Variants in SMAD2 observed in about 807,000 individuals in gnomAD.
The protein encoded by SMAD2 is SMAD family member 2.
Under a neutral mutation model 64.4 loss-of-function variants are expected in SMAD2, and 8 were observed. The observed-to-expected ratio is 0.12, with a 90% confidence interval of 0.07 to 0.22. SMAD2 has a LOEUF of 0.22. Among genes scored for constraint, SMAD2 ranks in the 10% least tolerant of loss-of-function variants. The probability of loss-of-function intolerance (pLI) is 1.00; values close to 1 mark genes in which losing one functional copy is unlikely to be tolerated. For missense variants in SMAD2, 289 were observed against 561.2 expected (o/e 0.51, Z 4.90); for synonymous variants, 203 against 195.8 (o/e 1.04, Z -0.31).
intron 1 of SMAD2, among the ~76,000 whole-genome samples, chr18:47,907,608 G>C (rs751940834): frequency 2.6e-5 from 4 of 152,162 alleles, no homozygotes; most frequent in Non-Finnish European, 4.4e-5. Flanking sequence ...TTGAATTCCT[G>C]AATGTTTTCT....
intron 6 of SMAD2, among the ~76,000 whole-genome samples, chr18:47,864,695 T>C (rs959150013): frequency 1.6e-4 from 25 of 152,148 alleles, no homozygotes; most frequent in South Asian, 6.2e-4. Flanking sequence ...CAAATTCCTC[T>C]GAAAATCTGT....
rs1256444049 is a variant in SMAD2, at chr18:47,868,344, G to A, written c.634C>T (p.Pro212Ser). The change falls in exon 5 of 11, where the codon CCA becomes TCA. Residue 212 changes from proline to serine, a missense_variant. Transcript: ENST00000262160. ...ATACCTGGAATATAATTACTCTGTG[G>A]CTCAATTCCTGCTGGGAAGTTAGTG... ...ENTNFPAGIE[P>S]QSNYIPETPP... 6.2e-7 allele frequency: 1 copy of A among 1,612,780 alleles called. No homozygotes were observed.
At chr18:47,921,928 G>C (rs1249982532) in intron 1 of SMAD2, among the ~76,000 whole-genome samples, 1 of 152,134 alleles carries the variant, frequency 6.6e-6, no homozygotes, top group Non-Finnish European at 1.5e-5. Context: ...AAGAAATTTA[G>C]ATAAAGACAG....
At chr18:47,914,056 A>C (rs2034244015) in intron 1 of SMAD2, among the ~76,000 whole-genome samples, 1 of 152,216 alleles carries the variant, frequency 6.6e-6, no homozygotes, top group South Asian at 2.1e-4. Context: ...TAAAGCCTTC[A>C]AGTTATTAAC....
At position 47,915,357 on chromosome 18, in the gene SMAD2, T is replaced by C. The variant is rs149539591; in HGVS notation, c.-54+15004A>G. 9.2e-5 allele frequency among the ~76,000 whole-genome samples: 14 copies of C among 152,326 alleles called. No individual in the cohort carries two copies. In the East Asian group the frequency reaches 2.3e-3, roughly 25 times the overall value. ...ATACTGTTCAGTCCATGCTGATACA[T>C]ACATAATCCTAAATCCTAGTTCATT... On this transcript the variant is annotated intron_variant, in intron 1 of 10. Transcript: ENST00000262160.
intron 2 of SMAD2, chr18:47,895,672 AAAC>A (rs1215159230): frequency 6.6e-6 from 1 of 152,246 alleles, no homozygotes; most frequent in Non-Finnish European, 1.5e-5. Context: ...ACAAGGCAAG[AAAC>A]ATTCTACTGT....
intron 1 of SMAD2, among the ~76,000 whole-genome samples, chr18:47,927,668 G>C (rs916670192): frequency 6.6e-6 from 1 of 152,238 alleles, no homozygotes; most frequent in African/African-American, 2.4e-5. Context: ...GGGAGGCCGA[G>C]GTGGGCGGAT....
Position 47,815,720 on chromosome 18 carries a change from T to A in SMAD2, c.*26107A>T, listed in dbSNP as rs1054075494. The A allele has an allele frequency of 3.3e-5, 5 of 152,272 alleles. No individual in the cohort carries two copies. The highest frequency in any genetic ancestry group is 1.2e-4 in the African/African-American group (5 of 41,458). 9.4% of individuals were successfully genotyped at this position (152,272 alleles called of 1,614,324 possible). On this transcript the variant is annotated 3_prime_UTR_variant, in exon 11 of 11. Coordinates refer to ENST00000262160, the MANE Select transcript of SMAD2 (RefSeq NM_005901.6). ...AAACCGAAAATCAACAAGGTTTGTG[T>A]GAACTGGTCTCGACACACTTGGCTG...
intron 1 of SMAD2, chr18:47,912,580 G>A (rs1279060314): frequency 6.6e-6 from 1 of 152,282 alleles, no homozygotes; most frequent in East Asian, 1.9e-4. Context: ...CCAGAGCTAG[G>A]CAGAGACAAC....
Position 47,809,192 on chromosome 18 carries a change from C to T in SMAD2, c.*32635G>A. The T allele has an allele frequency of 6.6e-6, 1 of 152,416 alleles. No homozygotes were observed. The highest frequency in any genetic ancestry group is 1.5e-5 in the Non-Finnish European group (1 of 68,104). The allele number at this position is 152,416 out of a possible 1,614,324, so 9.4% of individuals were successfully genotyped here. A position where few individuals can be genotyped will look rare whatever the true frequency, so the allele number is the denominator to read the frequency against. ...GTCAAAGGGATGGAGACGTTCTGTG[C>T]CGTTACGGAAAGAGGCAGTCCCTGT... On this transcript the variant is annotated 3_prime_UTR_variant, in exon 11 of 11. Coordinates refer to ENST00000262160, the MANE Select transcript of SMAD2 (RefSeq NM_005901.6).
chr18:47,871,670 T>A (rs2031940824), intron 2 of SMAD2, among the ~76,000 whole-genome samples: 1 of 151,954 alleles, frequency 6.6e-6, no homozygotes. Context: ...TAGATTCTCT[T>A]GCTTTTTCAG....
At chr18:47,897,999 A>G (rs1273575433) in intron 1 of SMAD2, among the ~76,000 whole-genome samples, 1 of 152,244 alleles carries the variant, frequency 6.6e-6, no homozygotes, top group Non-Finnish European at 1.5e-5. Context: ...TGTAGTTTTC[A>G]AAGTGTATCT....
At chr18:47,899,399 G>GA (rs34550302) in intron 1 of SMAD2, among the ~76,000 whole-genome samples, 1 of 151,282 alleles carries the variant, frequency 6.6e-6, no homozygotes, top group South Asian at 2.1e-4. Context: ...CAAGTTCAGT[G>GA]AAAAAAAAAT....
intron 2 of SMAD2, among the ~76,000 whole-genome samples, chr18:47,873,516 T>C (rs1221642165): frequency 6.6e-6 from 1 of 152,300 alleles, no homozygotes; most frequent in African/African-American, 2.4e-5. Flanking sequence ...AGTAAAGACC[T>C]GTCCTACCAG....
intron 2 of SMAD2, among the ~76,000 whole-genome samples, chr18:47,889,498 G>A (rs529012001): frequency 3.9e-5 from 6 of 152,106 alleles, no homozygotes; most frequent in Admixed American, 1.3e-4. Context: ...ACAGTCGGGC[G>A]CGGTGGCTCA....
chr18:47,829,609 GTTTA>G lies in SMAD2; in HGVS notation c.*12214_*12217del, dbSNP rs1157287040. 6.3e-5 allele frequency: 5 copies of G among 79,516 alleles called. No individual in the cohort carries two copies. Among genetic ancestry groups the G allele is most frequent in the South Asian group, 1.2e-3 (2 of 1,632 alleles). The allele number at this position is 79,516 out of a possible 1,614,324, so 4.9% of individuals were successfully genotyped here. ...TCTAAAAGAAGGCAGTTTTCTAGGG[GTTTA>G]TTTAATTATAGGGGGGTTGGGGTAG... On this transcript the variant is annotated 3_prime_UTR_variant, in exon 11 of 11. Coordinates refer to ENST00000262160, the MANE Select transcript of SMAD2 (RefSeq NM_005901.6).
intron 6 of SMAD2, among the ~76,000 whole-genome samples, chr18:47,858,515 C>T (rs954038089): frequency 6.6e-6 from 1 of 152,122 alleles, no homozygotes; most frequent in South Asian, 2.1e-4. Flanking sequence ...TTCTTTTTAT[C>T]CCTTCTAATT....
intron 6 of SMAD2, among the ~76,000 whole-genome samples, chr18:47,857,781 C>A (rs1381934280): frequency 6.6e-6 from 1 of 152,198 alleles, no homozygotes; most frequent in African/African-American, 2.4e-5. Context: ...ATCGAAGAAG[C>A]TGCAAGCACA....
chr18:47,921,323 T>C (rs1030967734), intron 1 of SMAD2, among the ~76,000 whole-genome samples: 6 of 152,204 alleles, frequency 3.9e-5, no homozygotes, highest in Non-Finnish European at 8.8e-5. Flanking sequence ...TGTTCATAGA[T>C]GCATAAAATC....
Sources: gnomAD v4.1 joint callset for allele counts (sites outside exome capture counted in the v4.1 genomes callset) on GRCh38, gnomAD v4.1.1 for gene constraint, MANE v1.5 for transcripts, NCBI Gene and HGNC (gene_info 2026-07-23, HGNC 2026-07-21) for gene names.